The following RBFOX1 variants were observed in gnomAD, a reference collection of about 807,000 sequenced individuals.
The protein encoded by RBFOX1 is RNA binding fox-1 homolog 1, also known as RNA binding protein fox-1 homolog 1.
In RBFOX1, 8 loss-of-function variants were observed where a neutral mutation model predicts 57.7. The ratio of observed to expected loss-of-function variants is 0.14; its 90% CI spans 0.08 to 0.25. The LOEUF (loss-of-function observed/expected upper bound fraction) is 0.25. Among genes scored for constraint, RBFOX1 ranks in the 10% least tolerant of loss-of-function variants. The pLI is 1.00. For missense variants in RBFOX1, 611 were observed against 548.5 expected (o/e 1.11, Z -1.14); for synonymous variants, 326 against 222.4 (o/e 1.47, Z -4.15).
intron 1 of RBFOX1, among the ~76,000 whole-genome samples, chr16:6,085,241 C>T (rs1012624531): frequency 1.3e-5 from 2 of 152,124 alleles, no homozygotes; most frequent in Non-Finnish European, 2.9e-5. Context: ...ATTGGCCTGA[C>T]TTTGAGGCTT....
chr16:7,325,378 G>A (rs2096598041), intron 4 of RBFOX1, among the ~76,000 whole-genome samples: 1 of 152,186 alleles, frequency 6.6e-6, no homozygotes, highest in African/African-American at 2.4e-5. Context: ...TGGTCTATGT[G>A]GTTTAATGTG....
chr16:6,549,397 G>A (rs1160089347), intron 2 of RBFOX1, among the ~76,000 whole-genome samples: 1 of 5,796 alleles, frequency 1.7e-4, no homozygotes, highest in African/African-American at 2.4e-4. Flanking sequence ...ACGAGGGAGG[G>A]AGGAGGAGGA....
chr16:5,774,714 A>G (rs943611181), intron 3 of RBFOX1, among the ~76,000 whole-genome samples: 2 of 151,944 alleles, frequency 1.3e-5, no homozygotes, highest in African/African-American at 2.4e-5. Context: ...ATAAAGTCTC[A>G]CTCTCTCGCC....
intron 1 of RBFOX1, among the ~76,000 whole-genome samples, chr16:6,063,505 A>C (rs978590861): frequency 9.9e-5 from 3 of 30,306 alleles, no homozygotes; most frequent in South Asian, 1.1e-3. Flanking sequence ...ACACACACAC[A>C]CCCCCTTATA....
At chr16:7,335,128 G>A (rs1435711830) in intron 4 of RBFOX1, among the ~76,000 whole-genome samples, 1 of 152,232 alleles carries the variant, frequency 6.6e-6, no homozygotes, top group African/African-American at 2.4e-5. Context: ...TGCAAGGGGA[G>A]AAAGGGCAGT....
intron 2 of RBFOX1, among the ~76,000 whole-genome samples, chr16:5,573,293 G>A (rs949258230): frequency 2.0e-5 from 3 of 152,148 alleles, no homozygotes; most frequent in Non-Finnish European, 4.4e-5. Context: ...CACGGCCTCG[G>A]GTGGGAGGTG....
intron 14 of RBFOX1, among the ~76,000 whole-genome samples, chr16:7,690,933 A>C (rs189844205): frequency 5.5e-4 from 84 of 152,252 alleles, no homozygotes; most frequent in African/African-American, 1.9e-3. Context: ...AGGCCACCAA[A>C]GCCAATCTGA....
intron 3 of RBFOX1, among the ~76,000 whole-genome samples, chr16:6,804,786 T>C (rs555189170): frequency 6.6e-6 from 1 of 152,288 alleles, no homozygotes; most frequent in African/African-American, 2.4e-5. Context: ...CCCTACTCTA[T>C]TGCCAAGTAT....
chr16:6,834,255 A>G (rs1209127090), intron 3 of RBFOX1, among the ~76,000 whole-genome samples: 6 of 151,876 alleles, frequency 4.0e-5, no homozygotes, highest in African/African-American at 1.5e-4. Context: ...TATATTTTTT[A>G]GTAGAGATGG....
At chr16:6,989,931 G>T (rs2091132205) in intron 3 of RBFOX1, among the ~76,000 whole-genome samples, 1 of 152,096 alleles carries the variant, frequency 6.6e-6, no homozygotes, top group Non-Finnish European at 1.5e-5. Flanking sequence ...AATTCAGGAG[G>T]CAGAAGTTGC....
rs551956952 is a variant in RBFOX1 at position 7,183,808 on chromosome 16, T to C, written c.27+131710T>C. On this transcript the variant is annotated intron_variant, in intron 4 of 15. Coordinates refer to ENST00000550418, the MANE Select transcript of RBFOX1 (RefSeq NM_018723.4). ...TCAGTGTGGTTCAGCAAGGAGCTATTTAATGCCTCCTATTGTCAGGTGTGG... is the reference window on the plus strand; with the variant it reads ...TCAGTGTGGTTCAGCAAGGAGCTATCTAATGCCTCCTATTGTCAGGTGTGG... 2.0e-5 allele frequency among the ~76,000 whole-genome samples: 3 copies of C among 152,302 alleles called. No homozygotes were observed. In the East Asian group the frequency reaches 5.8e-4, roughly 29 times the overall value.
chr16:5,505,536 T>C (rs2043350362), intron 2 of RBFOX1, among the ~76,000 whole-genome samples: 1 of 152,180 alleles, frequency 6.6e-6, no homozygotes, highest in Non-Finnish European at 1.5e-5. Flanking sequence ...CCCTGTCTCC[T>C]GCAGCCCCTC....
intron 3 of RBFOX1, among the ~76,000 whole-genome samples, chr16:6,710,386 A>C (rs1281927715): frequency 1.4e-4 from 22 of 152,250 alleles, no homozygotes; most frequent in Admixed American, 1.2e-3. Context: ...TATCCAAAGC[A>C]TGATCATTTC....
At chr16:6,454,995 G>T (rs1381150400) in intron 2 of RBFOX1, among the ~76,000 whole-genome samples, 4 of 148,034 alleles carry the variant, frequency 2.7e-5, no homozygotes, top group African/African-American at 1.0e-4. Context: ...CCATTCTCCT[G>T]CCTCAGCCTC....
intron 4 of RBFOX1, among the ~76,000 whole-genome samples, chr16:7,424,086 G>T (rs944045646): frequency 6.6e-5 from 10 of 152,076 alleles, no homozygotes; most frequent in Admixed American, 4.6e-4. Flanking sequence ...GGTTTATTCT[G>T]AGTCTCTTTT....
At chr16:5,847,362 A>T (rs1210087825) in intron 3 of RBFOX1, among the ~76,000 whole-genome samples, 1 of 148,148 alleles carries the variant, frequency 6.8e-6, no homozygotes, top group African/African-American at 2.5e-5. Context: ...CTGAAAAAAA[A>T]AATGGGGGTG....
At chr16:5,579,674 C>A (rs530612424) in intron 2 of RBFOX1, among the ~76,000 whole-genome samples, 178 of 152,290 alleles carry the variant, frequency 1.2e-3, no homozygotes, top group African/African-American at 3.7e-3. Context: ...ACTGGGTACA[C>A]CAGGTAAGGT....
chr16:5,796,622 T>C (rs539344415), intron 3 of RBFOX1, among the ~76,000 whole-genome samples: 2 of 152,288 alleles, frequency 1.3e-5, no homozygotes, highest in African/African-American at 4.8e-5. Context: ...GAGCACTAAT[T>C]AGGCTCCACT....
chr16:5,309,473 C>A (rs1225917564), intron 1 of RBFOX1, among the ~76,000 whole-genome samples: 1 of 152,138 alleles, frequency 6.6e-6, no homozygotes, highest in African/African-American at 2.4e-5. Flanking sequence ...CCATGCCATG[C>A]TTTTTAAGTG....
Sources: gnomAD v4.1 joint callset for allele counts (sites outside exome capture counted in the v4.1 genomes callset) on GRCh38, gnomAD v4.1.1 for gene constraint, MANE v1.5 for transcripts, NCBI Gene and HGNC (gene_info 2026-07-23, HGNC 2026-07-21) for gene names.